MAPK4: variants seen among roughly 807,000 people sequenced by gnomAD.
MAPK4 encodes the protein mitogen-activated protein kinase 4.
MAPK4 carries 22 observed loss-of-function variants against 47.7 expected under a neutral mutation model. The ratio of observed to expected loss-of-function variants is 0.46; its 90% confidence interval spans 0.33 to 0.66. The LOEUF (loss-of-function observed/expected upper bound fraction) is 0.66. MAPK4 is among the 30% of genes least tolerant of loss of function. The probability of loss-of-function intolerance (pLI) is 0.02; values close to 1 mark genes in which losing one functional copy is unlikely to be tolerated. For missense variants in MAPK4, 736 were observed against 831.7 expected (o/e 0.88, Z 1.42); for synonymous variants, 390 against 365.7 (o/e 1.07, Z -0.76).
At chr18:50,613,322 G>A (rs537666576) in intron 1 of MAPK4, among the ~76,000 whole-genome samples, 22 of 152,198 alleles carry the variant, frequency 1.4e-4, no homozygotes, top group Non-Finnish European at 2.8e-4. Flanking sequence ...GCCACATGGC[G>A]GGAAGCTGTG....
chr18:50,689,464 G>A (rs1187270094), intron 2 of MAPK4, among the ~76,000 whole-genome samples: 3 of 151,180 alleles, frequency 2.0e-5, no homozygotes, highest in Non-Finnish European at 2.9e-5. Flanking sequence ...TTCCTCATGC[G>A]CTGGTGTTCC....
intron 2 of MAPK4, among the ~76,000 whole-genome samples, chr18:50,666,764 G>A (rs1907623609): frequency 6.6e-6 from 1 of 152,128 alleles, no homozygotes; most frequent in Non-Finnish European, 1.5e-5. Context: ...CCCGTGTTTG[G>A]CAGATGCCAC....
In MAPK4 at chr18:50,729,460, T is replaced by C; in HGVS notation, c.1370T>C (p.Ile457Thr). 2.0e-6 allele frequency: 3 copies of C among 1,511,206 alleles called. No individual in the cohort carries two copies. The highest frequency in any genetic ancestry group is 2.7e-6 in the Non-Finnish European group (3 of 1,123,656). 93.6% of individuals were successfully genotyped at this position (1,511,206 alleles called of 1,614,324 possible). A position where few individuals can be genotyped will look rare whatever the true frequency, so the allele number is the denominator to read the frequency against. Reference protein sequence around the residue: ...KPHHYSEPKLILDLSHWKQAA... With the variant: ...KPHHYSEPKLTLDLSHWKQAA... Reference sequence around the variant, plus strand: ...CACCACTACTCGGAGCCCAAGCTCATCCTGGACCTGTCGCACTGGAAGCAG... The same window carrying C: ...CACCACTACTCGGAGCCCAAGCTCACCCTGGACCTGTCGCACTGGAAGCAG... Residue 457 changes from isoleucine (I) to threonine (T), a missense_variant, in exon 6 of 6, where the codon ATC (isoleucine) becomes ACC (threonine). Ile to Thr is a moderately conservative substitution (Grantham distance 89). Transcript: ENST00000400384.
chr18:50,685,004 C>G (rs954688930), intron 2 of MAPK4, among the ~76,000 whole-genome samples: 3 of 152,172 alleles, frequency 2.0e-5, no homozygotes, highest in Non-Finnish European at 4.4e-5. Flanking sequence ...TTCCTGTTTC[C>G]TCTCTAAGCC....
chr18:50,626,451 G>A (rs1437640495), intron 1 of MAPK4, among the ~76,000 whole-genome samples: 2 of 152,124 alleles, frequency 1.3e-5, no homozygotes, highest in Admixed American at 6.5e-5. Flanking sequence ...GAGCCTCAGC[G>A]TGGACGGGGA....
intron 2 of MAPK4, among the ~76,000 whole-genome samples, chr18:50,671,889 C>CAAAAAAAA (rs745534670): frequency 9.6e-6 from 1 of 104,232 alleles, no homozygotes; most frequent in Admixed American, 1.0e-4. Context: ...GACCCTGACT[C>CAAAAAAAA]AAAAAAAAAA....
chr18:50,621,890 G>A (rs11663013), intron 1 of MAPK4, among the ~76,000 whole-genome samples: 25,307 of 152,238 alleles, frequency 0.17, 2,450 homozygotes, highest in Middle Eastern at 0.24. Flanking sequence ...ATCATTTCAT[G>A]TGCTGCCCAT....
chr18:50,575,602 A>C (rs192268541), intron 1 of MAPK4, among the ~76,000 whole-genome samples: 31 of 152,292 alleles, frequency 2.0e-4, no homozygotes, highest in Non-Finnish European at 2.9e-5. Flanking sequence ...AAGATGCCAA[A>C]AGCAATTGCA....
intron 1 of MAPK4, among the ~76,000 whole-genome samples, chr18:50,596,558 G>C (rs1568039068): frequency 1.3e-5 from 2 of 152,124 alleles, no homozygotes; most frequent in Admixed American, 6.5e-5. Context: ...CCTCATTACA[G>C]GTCCAGCACA....
intron 1 of MAPK4, among the ~76,000 whole-genome samples, chr18:50,651,269 A>T (rs946750671): frequency 2.6e-5 from 4 of 152,088 alleles, no homozygotes; most frequent in African/African-American, 7.2e-5. Context: ...CTCCGCACCC[A>T]GTCGGTGGAG....
In MAPK4 at chr18:50,638,968, G is replaced by T. The variant is rs189657237; in HGVS notation, c.-870-24121G>T. On this transcript the variant is annotated intron_variant, in intron 1 of 5. Coordinates refer to ENST00000400384, the MANE Select transcript of MAPK4 (RefSeq NM_002747.4). ...CAGCAGAGCCAGGGTTCCAAGCCAG[G>T]TCTGCTTATCTGCAGGCCTCCACAG... Among the ~76,000 whole-genome samples, 682 of 152,290 alleles carry T rather than the reference G, an allele frequency of 4.5e-3. 4 individuals carry two copies. The highest frequency in any genetic ancestry group is 8.0e-3 in the Non-Finnish European group (541 of 68,020).
intron 1 of MAPK4, among the ~76,000 whole-genome samples, chr18:50,622,755 G>C (rs1463190268): frequency 2.6e-5 from 4 of 152,216 alleles, no homozygotes; most frequent in African/African-American, 9.7e-5. Flanking sequence ...AATGAACCAG[G>C]CTGCAAAAGA....
At chr18:50,567,730 TTGTGTGTGTGTGTGTGTG>T (rs10551391) in intron 1 of MAPK4, among the ~76,000 whole-genome samples, 1 of 149,088 alleles carries the variant, frequency 6.7e-6, no homozygotes, top group African/African-American at 2.5e-5. Flanking sequence ...TTATAGGACT[TTGTGTGTGTGTGTGTGTG>T]TGTGTGGGTG....
At chr18:50,680,718 T>C (rs1222475687) in intron 2 of MAPK4, among the ~76,000 whole-genome samples, 1 of 152,230 alleles carries the variant, frequency 6.6e-6, no homozygotes, top group Non-Finnish European at 1.5e-5. Flanking sequence ...CTCAGCATAA[T>C]GTTTTCAAGG....
In MAPK4 at chr18:50,729,606, CACGCCA is replaced by C. The variant is rs1911427041; in HGVS notation, c.1517_1522del (p.His506_Ser508delinsArg). Reference sequence around the variant, plus strand: ...CAAGAGCACGCAGGGCGGCCCAGAGCACGCCAGCCCGCCCGCCGACGACCCCGAGCG... The same window carrying C: ...CAAGAGCACGCAGGGCGGCCCAGAGCGCCCGCCCGCCGACGACCCCGAGCG... On this transcript the variant is annotated inframe_deletion, in exon 6 of 6. Transcript: ENST00000400384. The C allele has an allele frequency of 7.3e-7, 1 of 1,375,538 alleles. No individual in the cohort carries two copies. The highest frequency in any genetic ancestry group is 9.4e-7 in the Non-Finnish European group (1 of 1,067,346). 85.2% of individuals were successfully genotyped at this position (1,375,538 alleles called of 1,614,324 possible).
chr18:50,567,701 C>T (rs970329678), intron 1 of MAPK4, among the ~76,000 whole-genome samples: 2 of 150,010 alleles, frequency 1.3e-5, no homozygotes, highest in Non-Finnish European at 3.0e-5. Context: ...CACAGCTAAA[C>T]ATTTTTCTAT....
intron 1 of MAPK4, among the ~76,000 whole-genome samples, chr18:50,637,964 G>T (rs1411480065): frequency 6.6e-6 from 1 of 152,158 alleles, no homozygotes; most frequent in Admixed American, 6.5e-5. Context: ...GAGTTACTAG[G>T]GGTTAGGGCT....
intron 1 of MAPK4, among the ~76,000 whole-genome samples, chr18:50,631,490 G>C (rs2042829518): frequency 6.6e-6 from 1 of 152,188 alleles, no homozygotes; most frequent in African/African-American, 2.4e-5. Context: ...GACCATATTA[G>C]AATGTAACTA....
chr18:50,598,742 T>A (rs1215574033), intron 1 of MAPK4, among the ~76,000 whole-genome samples: 2 of 152,250 alleles, frequency 1.3e-5, no homozygotes, highest in Non-Finnish European at 2.9e-5. Flanking sequence ...TTGTCATGTC[T>A]CCTCCGCTCT....
Sources: gnomAD v4.1 joint callset for allele counts (sites outside exome capture counted in the v4.1 genomes callset) on GRCh38, gnomAD v4.1.1 for gene constraint, MANE v1.5 for transcripts, NCBI Gene and HGNC (gene_info 2026-07-23, HGNC 2026-07-21) for gene names.